Variants in MGAT4C observed in about 807,000 individuals in gnomAD.
The protein encoded by MGAT4C is MGAT4 family member C, also known as alpha-1,3-mannosyl-glycoprotein 4-beta-N-acetylglucosaminyltransferase C.
In MGAT4C, 19 loss-of-function variants were observed where a neutral mutation model predicts 40.1. That is an observed-to-expected ratio of 0.47 (90% CI 0.33 to 0.70). The LOEUF is 0.70. Among genes scored for constraint, MGAT4C ranks in the 30% least tolerant of loss-of-function variants. The pLI is 0.02. For synonymous variants in MGAT4C, 181 were observed against 187.1 expected, an observed-to-expected ratio of 0.97 and a Z score of 0.27; for missense variants, 491 against 563.2, an observed-to-expected ratio of 0.87 and a Z score of 1.30.
At chr12:86,217,250 C>T (rs1950707405) in intron 1 of MGAT4C, among the ~76,000 whole-genome samples, 2 of 152,190 alleles carry the variant, frequency 1.3e-5, no homozygotes, top group Non-Finnish European at 2.9e-5. Flanking sequence ...TCTCAGCTCA[C>T]TGCAACTTCA....
At chr12:86,200,118 T>C (rs1424011857) in intron 1 of MGAT4C, among the ~76,000 whole-genome samples, 1 of 121,984 alleles carries the variant, frequency 8.2e-6, no homozygotes, top group African/African-American at 2.8e-5. Context: ...GCACAAATAG[T>C]ATGTATTTGT....
chr12:86,407,775 C>T (rs995107034), intron 3 of MGAT4C, among the ~76,000 whole-genome samples: 3 of 151,922 alleles, frequency 2.0e-5, no homozygotes, highest in African/African-American at 7.2e-5. Flanking sequence ...AGAAAGACAA[C>T]GTTTTTTCAA....
chr12:86,110,293 AGTCTCTC>A (rs1487486373), intron 1 of MGAT4C, among the ~76,000 whole-genome samples: 2 of 10,064 alleles, frequency 2.0e-4, no homozygotes, highest in African/African-American at 5.4e-4. Context: ...ATATATATAT[AGTCTCTC>A]TATATATATA....
chr12:86,793,753 A>T (rs1257680002), intron 1 of MGAT4C, among the ~76,000 whole-genome samples: 1 of 152,052 alleles, frequency 6.6e-6, no homozygotes, highest in East Asian at 1.9e-4. Context: ...TTCAAACATT[A>T]CTCATTAAAT....
At chr12:86,274,798 T>C (rs554586921) in intron 4 of MGAT4C, among the ~76,000 whole-genome samples, 6 of 152,338 alleles carry the variant, frequency 3.9e-5, no homozygotes, top group Non-Finnish European at 7.3e-5. Context: ...GCCTCCAGAC[T>C]TGCCAGGGCA....
chr12:86,477,765 G>A (rs1443903459), intron 2 of MGAT4C, among the ~76,000 whole-genome samples: 1 of 151,828 alleles, frequency 6.6e-6, no homozygotes, highest in Non-Finnish European at 1.5e-5. Flanking sequence ...CCCACAACAG[G>A]CCCCGGTGTG....
At chr12:86,554,208 A>C (rs1003787102) in intron 2 of MGAT4C, among the ~76,000 whole-genome samples, 1 of 151,930 alleles carries the variant, frequency 6.6e-6, no homozygotes, top group Admixed American at 6.6e-5. Context: ...TACATTTCTC[A>C]TATTTCTTAA....
intron 1 of MGAT4C, among the ~76,000 whole-genome samples, chr12:86,787,039 G>A (rs1043816446): frequency 1.3e-5 from 2 of 152,146 alleles, no homozygotes; most frequent in African/African-American, 4.8e-5. Flanking sequence ...TTGGGCACAA[G>A]TAAAGTTTGG....
At chr12:86,151,281 G>A (rs768689713) in intron 1 of MGAT4C, among the ~76,000 whole-genome samples, 19 of 150,328 alleles carry the variant, frequency 1.3e-4, no homozygotes, top group Admixed American at 1.0e-3. Context: ...CAAAATGGAA[G>A]TGAAATCAGT....
chr12:86,763,891 G>A (rs942978064), intron 1 of MGAT4C, among the ~76,000 whole-genome samples: 4 of 152,108 alleles, frequency 2.6e-5, no homozygotes, highest in African/African-American at 4.8e-5. Flanking sequence ...CAGCCAAGAC[G>A]GCCGAATAGG....
chr12:86,812,039 T>A (rs555616337), intron 1 of MGAT4C, among the ~76,000 whole-genome samples: 26 of 152,374 alleles, frequency 1.7e-4, no homozygotes, highest in South Asian at 6.2e-4. Context: ...CTACATTTTT[T>A]AAAATATTTT....
chr12:86,012,940 G>A (rs1281660440), intron 2 of MGAT4C, among the ~76,000 whole-genome samples: 3 of 150,376 alleles, frequency 2.0e-5, no homozygotes, highest in Non-Finnish European at 3.0e-5. Context: ...GGTGGGCAAC[G>A]TAGTGAGGCA....
chr12:86,754,879 T>C (rs915522643), intron 1 of MGAT4C, among the ~76,000 whole-genome samples: 5 of 152,122 alleles, frequency 3.3e-5, no homozygotes, highest in African/African-American at 1.2e-4. Flanking sequence ...TGAAACATAA[T>C]GGTCATTTTT....
intron 1 of MGAT4C, among the ~76,000 whole-genome samples, chr12:86,806,438 G>GTA (rs1952354490): frequency 1.1e-5 from 1 of 88,460 alleles, no homozygotes; most frequent in African/African-American, 3.1e-5. Context: ...ATCTGTGTGT[G>GTA]TGTGTGTGTG....
chr12:86,226,838 A>T (rs1448551358), intron 1 of MGAT4C, among the ~76,000 whole-genome samples: 1 of 151,970 alleles, frequency 6.6e-6, no homozygotes, highest in African/African-American at 2.4e-5. Context: ...ATCAGAATAT[A>T]GTATTATATA....
At chr12:86,037,682 C>T (rs1166622159) in intron 2 of MGAT4C, among the ~76,000 whole-genome samples, 1 of 136,558 alleles carries the variant, frequency 7.3e-6, no homozygotes, top group Non-Finnish European at 1.7e-5. Context: ...CATTCTTTTG[C>T]ATTTGCTGAG....
At chr12:86,473,362 G>A (rs1957783398) in intron 2 of MGAT4C, among the ~76,000 whole-genome samples, 2 of 152,168 alleles carry the variant, frequency 1.3e-5, no homozygotes, top group South Asian at 4.1e-4. Flanking sequence ...AACCACTGCT[G>A]TGATCAGAGT....
intron 2 of MGAT4C, among the ~76,000 whole-genome samples, chr12:86,709,711 G>T (rs995734390): frequency 2.6e-5 from 4 of 152,010 alleles, no homozygotes; most frequent in African/African-American, 9.7e-5. Flanking sequence ...TTCCCTCTCT[G>T]CCTGAACATT....
chr12:86,359,850 C>A, intron 3 of MGAT4C, among the ~76,000 whole-genome samples: 1 of 152,090 alleles, frequency 6.6e-6, no homozygotes. Context: ...CACCTACCAA[C>A]CAAAAAACGT....
Sources: allele counts gnomAD v4.1 joint callset (sites outside exome capture counted in the v4.1 genomes callset), GRCh38; gene constraint gnomAD v4.1.1; transcripts MANE v1.5; gene names NCBI Gene and HGNC (gene_info 2026-07-23, HGNC 2026-07-21).